Variants in CLPB observed in about 807,000 individuals in gnomAD.
The protein encoded by CLPB is mitochondrial disaggregase.
CLPB carries 40 observed loss-of-function variants against 78.4 expected under a neutral mutation model. The ratio of observed to expected loss-of-function variants is 0.51; its 90% CI spans 0.40 to 0.66. CLPB has a LOEUF of 0.66. CLPB is among the 30% of genes least tolerant of loss of function. The probability of loss-of-function intolerance (pLI) is 0.00; values close to 1 mark genes in which losing one functional copy is unlikely to be tolerated. For synonymous variants in CLPB, 333 were observed against 348.0 expected, an observed-to-expected ratio of 0.96 and a Z score of 0.48; for missense variants, 780 against 886.9, an observed-to-expected ratio of 0.88 and a Z score of 1.53.
chr11:72,430,226 C>T, intron 2 of CLPB, 86 bp downstream of exon 2: 3 of 1,323,718 alleles, frequency 2.3e-6, no homozygotes, highest in Non-Finnish European at 3.2e-6. Context: ...TAAGGATTTC[C>T]TCCAAAGCAA....
intron 2 of CLPB, among the ~76,000 whole-genome samples, chr11:72,405,305 A>G (rs1043652831): frequency 3.9e-5 from 6 of 152,262 alleles, no homozygotes; most frequent in African/African-American, 1.4e-4. Context: ...TGAGGCATGC[A>G]CAGCCAACAC....
At chr11:72,354,341 G>C (rs1207772740) in intron 5 of CLPB, 2 of 398,084 alleles carry the variant, frequency 5.0e-6, no homozygotes, top group African/African-American at 4.1e-5. Context: ...GTTAATTCCT[G>C]TGTACGATGG....
intron 2 of CLPB, chr11:72,410,618 T>G (rs1433827449): frequency 6.6e-6 from 1 of 152,056 alleles, no homozygotes; most frequent in Non-Finnish European, 1.5e-5. Flanking sequence ...TGGAACACAG[T>G]AAGTGCTCCA....
At chr11:72,432,191 C>T (rs1230077377) in intron 1 of CLPB, among the ~76,000 whole-genome samples, 1 of 152,070 alleles carries the variant, frequency 6.6e-6, no homozygotes, top group Non-Finnish European at 1.5e-5. Flanking sequence ...CATGGTGCCC[C>T]GAAACTGTTA....
At chr11:72,390,813 A>T (rs1855231848) in intron 3 of CLPB, among the ~76,000 whole-genome samples, 1 of 152,174 alleles carries the variant, frequency 6.6e-6, no homozygotes, top group Non-Finnish European at 1.5e-5. Context: ...TCCTGAGTAT[A>T]CAATTCTTAG....
At chr11:72,365,240 T>C (rs2135634924) in intron 4 of CLPB, among the ~76,000 whole-genome samples, 1 of 152,338 alleles carries the variant, frequency 6.6e-6, no homozygotes, top group South Asian at 2.1e-4. Flanking sequence ...GAGGATCCCT[T>C]AAGCCCAGGA....
intron 5 of CLPB, among the ~76,000 whole-genome samples, chr11:72,341,792 C>A (rs1011162538): frequency 6.6e-6 from 1 of 152,186 alleles, no homozygotes; most frequent in African/African-American, 2.4e-5. Flanking sequence ...GCAGAAGTCA[C>A]TTTAGAGTGA....
chr11:72,367,716 A>G (rs888928426), intron 4 of CLPB, among the ~76,000 whole-genome samples: 5 of 152,114 alleles, frequency 3.3e-5, no homozygotes. Context: ...CATGCAATAT[A>G]CCCAGGTAAC....
chr11:72,348,592 C>T (rs933524522), intron 5 of CLPB, among the ~76,000 whole-genome samples: 8 of 152,148 alleles, frequency 5.3e-5, no homozygotes, highest in Non-Finnish European at 1.0e-4. Flanking sequence ...TCCATTAAGC[C>T]TTCTATAATG....
chr11:72,356,048 G>A (rs548507987), intron 5 of CLPB, among the ~76,000 whole-genome samples: 34 of 152,254 alleles, frequency 2.2e-4, no homozygotes, highest in African/African-American at 6.5e-4. Context: ...TTGGGAGGCC[G>A]AGGCGGGCGG....
chr11:72,297,766 C>T (rs530954212), intron 11 of CLPB, among the ~76,000 whole-genome samples: 1 of 149,134 alleles, frequency 6.7e-6, no homozygotes, highest in East Asian at 2.0e-4. Context: ...AGAGCTCATC[C>T]CTAAGGACTG....
chr11:72,384,422 A>G (rs1287963275), intron 3 of CLPB, among the ~76,000 whole-genome samples: 1 of 152,172 alleles, frequency 6.6e-6, no homozygotes, highest in Non-Finnish European at 1.5e-5. Flanking sequence ...ACAAAGTAAA[A>G]CCTAAAGTAG....
rs5792587 is a variant in CLPB at position 72,371,533 on chromosome 11, A to AAAAATAAAATAAAAT, written c.646+8733_646+8747dup. ...GGGCAACACAGCAAGACTCTGTCTC[A>AAAAATAAAATAAAAT]AAAATAAAATAAAATAAAATAAAAT... On this transcript the variant is annotated intron_variant, in intron 4 of 15. Transcript: ENST00000538039. Among the ~76,000 whole-genome samples, 937 of 126,214 alleles carry AAAAATAAAATAAAAT rather than the reference A, an allele frequency of 7.4e-3. 8 individuals are homozygous for AAAAATAAAATAAAAT. The highest frequency in any genetic ancestry group is 0.013 in the African/African-American group (449 of 34,116). 82.8% of individuals were successfully genotyped at this position (126,214 alleles called of 152,430 possible).
intron 4 of CLPB, among the ~76,000 whole-genome samples, chr11:72,359,603 C>T (rs1279732110): frequency 1.3e-5 from 2 of 151,998 alleles, no homozygotes; most frequent in Non-Finnish European, 2.9e-5. Context: ...TTTATAAAAG[C>T]AATTAAATTT....
chr11:72,336,068 G>A (rs760004347), intron 5 of CLPB, among the ~76,000 whole-genome samples: 17 of 151,910 alleles, frequency 1.1e-4, no homozygotes, highest in Non-Finnish European at 1.9e-4. Flanking sequence ...TAGGGAGAGT[G>A]CTGAATCCCA....
intron 2 of CLPB, among the ~76,000 whole-genome samples, chr11:72,420,519 T>C (rs1197871014): frequency 1.1e-4 from 16 of 151,762 alleles, no homozygotes; most frequent in Admixed American, 1.1e-3. Flanking sequence ...AAACTTTCAA[T>C]AATATTCAGT....
intron 4 of CLPB, among the ~76,000 whole-genome samples, chr11:72,379,043 T>C: frequency 6.6e-6 from 1 of 152,166 alleles, no homozygotes; most frequent in East Asian, 1.9e-4. Context: ...CTTCAAACTT[T>C]ACCTGGGCAG....
At chr11:72,367,256 T>A (rs372597303) in intron 4 of CLPB, among the ~76,000 whole-genome samples, 1 of 152,206 alleles carries the variant, frequency 6.6e-6, no homozygotes, top group South Asian at 2.1e-4. Flanking sequence ...CTCTGCCTCC[T>A]GGATTCAAGT....
At chr11:72,317,258 G>T in intron 6 of CLPB, 38 bp from the exon 7 acceptor site, 2 of 1,483,148 alleles carry the variant, frequency 1.3e-6, no homozygotes, top group Non-Finnish European at 1.9e-6. Flanking sequence ...GGGCTGCCGG[G>T]CCCATAGCAC....
Sources: gnomAD v4.1 joint callset for allele counts (sites outside exome capture counted in the v4.1 genomes callset) on GRCh38, gnomAD v4.1.1 for gene constraint, MANE v1.5 for transcripts, NCBI Gene and HGNC (gene_info 2026-07-23, HGNC 2026-07-21) for gene names.